The following ADIPOR2 variants were observed in gnomAD, a reference collection of about 807,000 sequenced individuals.
ADIPOR2 encodes the protein adiponectin receptor protein 2.
A neutral mutation model predicts 40.9 loss-of-function variants in ADIPOR2; 18 were observed. The observed-to-expected ratio is 0.44, with a 90% CI of 0.30 to 0.65. The LOEUF is 0.65. Among genes scored for constraint, ADIPOR2 ranks in the 30% least tolerant of loss-of-function variants. The probability of loss-of-function intolerance (pLI) is 0.09; values close to 1 mark genes in which losing one functional copy is unlikely to be tolerated. For synonymous variants in ADIPOR2, 165 were observed against 166.4 expected (o/e 0.99, Z 0.06); for missense variants, 283 against 479.2 (o/e 0.59, Z 3.82).
At chr12:1,743,242 A>C (rs28369071) in intron 1 of ADIPOR2, among the ~76,000 whole-genome samples, 6 of 134,558 alleles carry the variant, frequency 4.5e-5, no homozygotes, top group African/African-American at 7.7e-5. Context: ...AAAAAAAAAA[A>C]AAAACAAAGC....
At chr12:1,741,993 T>A (rs934823115) in intron 1 of ADIPOR2, among the ~76,000 whole-genome samples, 3 of 145,538 alleles carry the variant, frequency 2.1e-5, no homozygotes, top group African/African-American at 7.4e-5. Flanking sequence ...AGGCTGGACT[T>A]GACTGAAAAG....
chr12:1,770,330 G>A (rs908575744), intron 2 of ADIPOR2, among the ~76,000 whole-genome samples: 3 of 152,126 alleles, frequency 2.0e-5, no homozygotes, highest in Admixed American at 6.5e-5. Flanking sequence ...TAGCCATATT[G>A]TGTTTTATGT....
At chr12:1,720,927 C>T (rs1316811725) in intron 1 of ADIPOR2, among the ~76,000 whole-genome samples, 1 of 152,160 alleles carries the variant, frequency 6.6e-6, no homozygotes, top group Non-Finnish European at 1.5e-5. Context: ...TATCTGATTG[C>T]CTCCCTTGGA....
intron 1 of ADIPOR2, among the ~76,000 whole-genome samples, chr12:1,749,324 TGA>T (rs2094763849): frequency 6.6e-6 from 1 of 152,104 alleles, no homozygotes; most frequent in South Asian, 2.1e-4. Flanking sequence ...GGACCCTACA[TGA>T]GAGAGTCTTA....
intron 1 of ADIPOR2, among the ~76,000 whole-genome samples, chr12:1,739,062 T>G (rs535857857): frequency 6.6e-6 from 1 of 152,328 alleles, no homozygotes; most frequent in Non-Finnish European, 1.5e-5. Context: ...AAAAATTTTA[T>G]TTTAGAGGGG....
intron 1 of ADIPOR2, among the ~76,000 whole-genome samples, chr12:1,739,419 C>CCCT (rs1391257424): frequency 1.3e-5 from 2 of 152,228 alleles, no homozygotes; most frequent in Non-Finnish European, 2.9e-5. Context: ...GGTTAGCAAA[C>CCCT]TATAGCTAGC....
rs1158300405 is a variant in ADIPOR2 at position 1,757,386 on chromosome 12, G to A, written c.171+2872G>A. Reference sequence around the variant, plus strand: ...TTGAGTGGCAAAGCTGTTTCCATTGGCATCTTTCATGTGAACCACATCAAA... The same window carrying A: ...TTGAGTGGCAAAGCTGTTTCCATTGACATCTTTCATGTGAACCACATCAAA... On this transcript the variant is annotated intron_variant, in intron 2 of 7. Transcript: ENST00000357103. 15 of 717,334 alleles carry A rather than the reference G, an allele frequency of 2.1e-5. No individual in the cohort carries two copies. The South Asian group carries it at 2.2e-4, about 10-fold the overall frequency. 44.4% of individuals were successfully genotyped at this position (717,334 alleles called of 1,614,324 possible).
At chr12:1,714,280 C>T (rs1046330690) in intron 1 of ADIPOR2, among the ~76,000 whole-genome samples, 4 of 152,098 alleles carry the variant, frequency 2.6e-5, no homozygotes, top group Non-Finnish European at 5.9e-5. Flanking sequence ...TTTCTCTTAT[C>T]TCACTTTTCC....
intron 1 of ADIPOR2, among the ~76,000 whole-genome samples, chr12:1,717,860 G>C (rs187483947): frequency 7.0e-4 from 106 of 152,198 alleles, no homozygotes; most frequent in Admixed American, 1.9e-3. Flanking sequence ...TTCATTGCTG[G>C]ATTGCTGGTC....
chr12:1,761,961 T>G (rs1250769342), intron 2 of ADIPOR2, among the ~76,000 whole-genome samples: 2 of 152,248 alleles, frequency 1.3e-5, no homozygotes, highest in Non-Finnish European at 2.9e-5. Context: ...TTCTATAACC[T>G]TCGGGATCCT....
At chr12:1,738,371 G>A (rs991405160) in intron 1 of ADIPOR2, among the ~76,000 whole-genome samples, 3 of 152,140 alleles carry the variant, frequency 2.0e-5, no homozygotes, top group Admixed American at 6.5e-5. Flanking sequence ...GACAGAGTGA[G>A]ACCTTGTCTC....
intron 1 of ADIPOR2, among the ~76,000 whole-genome samples, chr12:1,752,230 CTTTTT>C (rs67598229): frequency 1.1e-3 from 82 of 74,864 alleles, no homozygotes; most frequent in South Asian, 5.2e-3. Context: ...CTCCTGGCCT[CTTTTT>C]TTTTTTTTTT....
At chr12:1,756,099 C>T (rs1045353802) in intron 2 of ADIPOR2, among the ~76,000 whole-genome samples, 2 of 151,870 alleles carry the variant, frequency 1.3e-5, no homozygotes, top group Non-Finnish European at 2.9e-5. Flanking sequence ...CCACCACCTG[C>T]GCCTGCTTGT....
chr12:1,710,551 C>T (rs901619447), intron 1 of ADIPOR2, among the ~76,000 whole-genome samples: 1 of 152,014 alleles, frequency 6.6e-6, no homozygotes, highest in African/African-American at 2.4e-5. Context: ...ACTAGCGCGG[C>T]CACCGGACTA....
intron 1 of ADIPOR2, among the ~76,000 whole-genome samples, chr12:1,692,699 T>A (rs1177099132): frequency 6.6e-6 from 1 of 151,936 alleles, no homozygotes; most frequent in African/African-American, 2.4e-5. Flanking sequence ...AATGGTTTTT[T>A]CTATCAATAG....
chr12:1,719,598 T>C (rs577924799), intron 1 of ADIPOR2, among the ~76,000 whole-genome samples: 1 of 152,298 alleles, frequency 6.6e-6, no homozygotes, highest in East Asian at 1.9e-4. Flanking sequence ...TTGGGAAATA[T>C]TTTATTGCAT....
intron 2 of ADIPOR2, among the ~76,000 whole-genome samples, chr12:1,765,863 C>G (rs1718526047): frequency 6.6e-6 from 1 of 152,166 alleles, no homozygotes; most frequent in Non-Finnish European, 1.5e-5. Context: ...TCCTTCTATT[C>G]TAATTTTCTA....
intron 1 of ADIPOR2, among the ~76,000 whole-genome samples, chr12:1,748,556 A>G (rs1317991338): frequency 6.6e-6 from 1 of 152,002 alleles, no homozygotes; most frequent in Non-Finnish European, 1.5e-5. Flanking sequence ...CCTGCGTTTT[A>G]CATTTAAGTC....
At chr12:1,731,239 C>T (rs1225757332) in intron 1 of ADIPOR2, among the ~76,000 whole-genome samples, 4 of 152,016 alleles carry the variant, frequency 2.6e-5, no homozygotes, top group Non-Finnish European at 4.4e-5. Context: ...TTTGTAGAGG[C>T]GGCATCTTAT....
Sources: gnomAD v4.1 joint callset for allele counts (sites outside exome capture counted in the v4.1 genomes callset) on GRCh38, gnomAD v4.1.1 for gene constraint, MANE v1.5 for transcripts, NCBI Gene and HGNC (gene_info 2026-07-23, HGNC 2026-07-21) for gene names.